The following OSBPL10 variants were observed in gnomAD, a reference collection of about 807,000 sequenced individuals.
The protein encoded by OSBPL10 is oxysterol-binding protein-related protein 10.
A neutral mutation model predicts 81.7 loss-of-function variants in OSBPL10; 49 were observed. The observed-to-expected ratio is 0.60, with a 90% CI of 0.48 to 0.76. OSBPL10 has a LOEUF of 0.76. Ranked by LOEUF, OSBPL10 falls within the 30% of genes least tolerant of loss-of-function variation. The pLI, the probability that OSBPL10 is intolerant of heterozygous loss-of-function variation, is 0.00. For synonymous variants in OSBPL10, 419 were observed against 383.6 expected (o/e 1.09, Z -1.08); for missense variants, 923 against 987.8 (o/e 0.93, Z 0.88).
intron 8 of OSBPL10, among the ~76,000 whole-genome samples, chr3:31,673,763 GA>G (rs1700384324): frequency 6.6e-6 from 1 of 152,116 alleles, no homozygotes; most frequent in African/African-American, 2.4e-5. Context: ...TGATATATGG[GA>G]TGACACTCTC....
intron 4 of OSBPL10, among the ~76,000 whole-genome samples, chr3:31,816,262 A>T (rs1699831202): frequency 6.6e-6 from 1 of 152,118 alleles, no homozygotes; most frequent in African/African-American, 2.4e-5. Flanking sequence ...ACACCATGTA[A>T]CTTTCATGTC....
intron 3 of OSBPL10, among the ~76,000 whole-genome samples, chr3:31,860,057 T>C (rs113533960): frequency 2.0e-5 from 3 of 152,238 alleles, no homozygotes; most frequent in African/African-American, 7.2e-5. Flanking sequence ...TACCTGGTAA[T>C]CCTCTCCCTC....
At chr3:32,052,168 G>T in intron 1 of OSBPL10, among the ~76,000 whole-genome samples, 1 of 151,460 alleles carries the variant, frequency 6.6e-6, no homozygotes, top group Non-Finnish European at 1.5e-5. Context: ...GATCACTTGA[G>T]CCTGGGAGGT....
At chr3:31,948,436 G>A (rs915070656) in intron 1 of OSBPL10, among the ~76,000 whole-genome samples, 2 of 152,106 alleles carry the variant, frequency 1.3e-5, no homozygotes, top group South Asian at 4.1e-4. Flanking sequence ...AAGTAACTGG[G>A]TTTATTGTTC....
chr3:31,828,636 G>A (rs1295897118), intron 4 of OSBPL10, among the ~76,000 whole-genome samples: 5 of 152,150 alleles, frequency 3.3e-5, no homozygotes, highest in South Asian at 2.1e-4. Context: ...AGGATCAAGC[G>A]ATTATCCTGC....
At chr3:32,035,069 T>A (rs1294360433) in intron 2 of OSBPL10, among the ~76,000 whole-genome samples, 1 of 152,088 alleles carries the variant, frequency 6.6e-6, no homozygotes, top group Non-Finnish European at 1.5e-5. Context: ...GACATTCACA[T>A]CACACATACA....
chr3:31,725,885 G>A (rs565034151), intron 6 of OSBPL10, among the ~76,000 whole-genome samples: 3 of 152,210 alleles, frequency 2.0e-5, no homozygotes, highest in South Asian at 4.2e-4. Flanking sequence ...TACATGCATC[G>A]TACTTTCCTA....
chr3:31,761,585 A>G (rs377432849), intron 4 of OSBPL10, among the ~76,000 whole-genome samples: 1 of 151,728 alleles, frequency 6.6e-6, no homozygotes, highest in East Asian at 1.9e-4. Flanking sequence ...GGGAGGCCGA[A>G]GTGGGCGGAT....
chr3:31,778,761 T>TCA (rs1698612791), intron 4 of OSBPL10, among the ~76,000 whole-genome samples: 1 of 152,070 alleles, frequency 6.6e-6, no homozygotes, highest in Non-Finnish European at 1.5e-5. Flanking sequence ...AGGCCCACAG[T>TCA]CATCAGGTTA....
intron 1 of OSBPL10, among the ~76,000 whole-genome samples, chr3:31,883,537 T>G (rs28635624): frequency 9.8e-6 from 1 of 101,814 alleles, no homozygotes; most frequent in Non-Finnish European, 2.0e-5. Flanking sequence ...TGTTTTTTTT[T>G]TGTTGTTTTT....
In OSBPL10 at chr3:31,793,453, C is replaced by T. The variant is rs148214357; in HGVS notation, c.729+36587G>A. 4.5e-4 allele frequency among the ~76,000 whole-genome samples: 68 copies of T among 152,324 alleles called. 1 individual carries two copies. The East Asian group carries it at 0.011, about 25-fold the overall frequency. ...ATAAAATTTAATTAGCAGTAAGTGT[C>T]TGATAATGTAACCACTCACTGCTTA... On this transcript the variant is annotated intron_variant, in intron 4 of 11. Transcript: ENST00000396556.
chr3:31,876,642 A>C, intron 2 of OSBPL10, 130 bp from the exon 3 acceptor site: 1 of 701,802 alleles, frequency 1.4e-6, no homozygotes, highest in Non-Finnish European at 2.5e-6. Context: ...TGGGGAAGCA[A>C]GCACAGATCA....
intron 4 of OSBPL10, among the ~76,000 whole-genome samples, chr3:31,814,256 T>C (rs1262730072): frequency 1.3e-5 from 2 of 152,174 alleles, no homozygotes. Context: ...ATACGACAGC[T>C]CATTGTACTA....
chr3:31,951,244 G>A (rs1454264546), intron 1 of OSBPL10, among the ~76,000 whole-genome samples: 4 of 151,972 alleles, frequency 2.6e-5, no homozygotes, highest in Middle Eastern at 3.4e-3. Context: ...ACACAATAAC[G>A]GGAATCAATT....
intron 1 of OSBPL10, among the ~76,000 whole-genome samples, chr3:32,075,285 G>A (rs1364303402): frequency 6.6e-6 from 1 of 152,110 alleles, no homozygotes; most frequent in Admixed American, 6.5e-5. Context: ...ATTTTTAAAT[G>A]AAGAGTGTTG....
At chr3:31,853,250 T>C (rs569296575) in intron 3 of OSBPL10, among the ~76,000 whole-genome samples, 10 of 152,192 alleles carry the variant, frequency 6.6e-5, no homozygotes, top group African/African-American at 1.7e-4. Context: ...GGAAGAAAGA[T>C]TGTGAAGGCA....
At chr3:31,740,029 T>C (rs1008762346) in intron 5 of OSBPL10, among the ~76,000 whole-genome samples, 12 of 150,644 alleles carry the variant, frequency 8.0e-5, no homozygotes, top group African/African-American at 2.0e-4. Flanking sequence ...AGCTCCAGAA[T>C]TGGCTATGAA....
intron 4 of OSBPL10, among the ~76,000 whole-genome samples, chr3:31,786,480 CCTGTAGGTT>C (rs1308945560): frequency 3.9e-5 from 6 of 152,214 alleles, no homozygotes; most frequent in African/African-American, 1.4e-4. Flanking sequence ...GATCAAGGTG[CCTGTAGGTT>C]CTGTGTCTGG....
At chr3:31,689,118 GA>G (rs34009655) in intron 7 of OSBPL10, among the ~76,000 whole-genome samples, 50 of 143,996 alleles carry the variant, frequency 3.5e-4, no homozygotes, top group Non-Finnish European at 4.7e-4. Context: ...TAACTATGAG[GA>G]AAAAAAAAAA....
Sources: gnomAD v4.1 joint callset for allele counts (sites outside exome capture counted in the v4.1 genomes callset) on GRCh38, gnomAD v4.1.1 for gene constraint, MANE v1.5 for transcripts, NCBI Gene and HGNC (gene_info 2026-07-23, HGNC 2026-07-21) for gene names.